The following PRDM6 variants were observed in gnomAD, a reference collection of about 807,000 sequenced individuals.
PRDM6 encodes the protein putative histone-lysine N-methyltransferase PRDM6.
A neutral mutation model predicts 60.8 loss-of-function variants in PRDM6; 25 were observed. The observed-to-expected ratio is 0.41, with a 90% CI of 0.30 to 0.57. PRDM6 has a LOEUF of 0.57. Ranked by LOEUF, PRDM6 falls within the 20% of genes least tolerant of loss-of-function variation. PRDM6 has a pLI of 0.27. For synonymous variants in PRDM6, 407 were observed against 357.4 expected (o/e 1.14, Z -1.57); for missense variants, 839 against 821.3 (o/e 1.02, Z -0.26).
intron 3 of PRDM6, among the ~76,000 whole-genome samples, chr5:123,136,176 A>G (rs2150225530): frequency 6.6e-6 from 1 of 152,238 alleles, no homozygotes; most frequent in East Asian, 1.9e-4. Context: ...TTATATTTCA[A>G]CCCCATCCCT....
intron 3 of PRDM6, 54 bp from the exon 4 acceptor site, chr5:123,155,830 A>G: frequency 6.5e-7 from 1 of 1,533,070 alleles, no homozygotes; most frequent in Non-Finnish European, 8.8e-7. Context: ...GAAGTAGGGA[A>G]AATGATTGCT....
At chr5:123,163,986 A>G (rs1028569013) in intron 5 of PRDM6, among the ~76,000 whole-genome samples, 2 of 152,114 alleles carry the variant, frequency 1.3e-5, no homozygotes, top group African/African-American at 4.8e-5. Flanking sequence ...CGTTCCACCA[A>G]CAGCGAGAAA....
intron 5 of PRDM6, among the ~76,000 whole-genome samples, chr5:123,159,842 A>G (rs999256890): frequency 1.2e-4 from 19 of 152,152 alleles, no homozygotes; most frequent in Non-Finnish European, 2.9e-5. Flanking sequence ...CCAGTCCTTC[A>G]CTTATCAACA....
intron 3 of PRDM6, among the ~76,000 whole-genome samples, chr5:123,123,177 T>C (rs906322246): frequency 6.6e-6 from 1 of 152,256 alleles, no homozygotes; most frequent in Non-Finnish European, 1.5e-5. Flanking sequence ...TGATTCCTTG[T>C]CTATATTCGC....
chr5:123,095,541 G>A (rs1157464894), intron 2 of PRDM6, among the ~76,000 whole-genome samples: 1 of 152,232 alleles, frequency 6.6e-6, no homozygotes, highest in Non-Finnish European at 1.5e-5. Context: ...GCCAGCAGGC[G>A]GCACTCCCGG....
At chr5:123,158,767 G>C (rs994574385) in intron 4 of PRDM6, among the ~76,000 whole-genome samples, 3 of 152,026 alleles carry the variant, frequency 2.0e-5, no homozygotes, top group African/African-American at 4.8e-5. Context: ...TGAACTTGAG[G>C]TTCATATTTG....
At chr5:123,181,804 G>A (rs1269600307) in intron 7 of PRDM6, among the ~76,000 whole-genome samples, 1 of 152,122 alleles carries the variant, frequency 6.6e-6, no homozygotes, top group East Asian at 1.9e-4. Context: ...TCAGCCTGAG[G>A]CCAGGCTCAG....
chr5:123,173,031 AAC>A (rs759097375), intron 6 of PRDM6, among the ~76,000 whole-genome samples: 1 of 152,072 alleles, frequency 6.6e-6, no homozygotes, highest in Non-Finnish European at 1.5e-5. Flanking sequence ...CTCTACTAAA[AAC>A]ACAAAAAATT....
At chr5:123,125,146 CCCCCT>C (rs371545805) in intron 3 of PRDM6, among the ~76,000 whole-genome samples, 11 of 1,428 alleles carry the variant, frequency 7.7e-3, no homozygotes, top group Non-Finnish European at 0.014. Context: ...ACATACCGCA[CCCCCT>C]CCCCCCCACC....
rs1436956957 is a variant in PRDM6, at chr5:123,099,083, T to A, written c.593-571T>A. Reference sequence around the variant, plus strand: ...GTCTCCCCCACCCCGCCCCGTCTGGTGATTTTAAATCGTCTCCTGTGTAAT... The same window carrying A: ...GTCTCCCCCACCCCGCCCCGTCTGGAGATTTTAAATCGTCTCCTGTGTAAT... On this transcript the variant is annotated intron_variant, in intron 2 of 7. Transcript: ENST00000407847. The surrounding 1 kb of genome is among the most constrained non-coding windows in gnomAD (Gnocchi z 4.0). Among the ~76,000 whole-genome samples the A allele has an allele frequency of 6.6e-6, 1 of 152,170 alleles. No homozygotes were observed. Among genetic ancestry groups the A allele is most frequent in the Non-Finnish European group, 1.5e-5 (1 of 68,032 alleles).
intron 3 of PRDM6, among the ~76,000 whole-genome samples, chr5:123,111,919 C>T (rs1438235139): frequency 6.6e-6 from 1 of 152,166 alleles, no homozygotes; most frequent in Non-Finnish European, 1.5e-5. Context: ...CTTGGCTAAT[C>T]TCCTGTGGAC....
chr5:123,176,793 G>A (rs6898014), intron 6 of PRDM6, among the ~76,000 whole-genome samples: 5,962 of 152,260 alleles, frequency 0.039, 390 homozygotes, highest in African/African-American at 0.13. Flanking sequence ...GCTAAACTCA[G>A]CACTCAAGAA....
chr5:123,179,905 A>G (rs190241484), intron 6 of PRDM6, among the ~76,000 whole-genome samples: 6 of 152,318 alleles, frequency 3.9e-5, no homozygotes, highest in African/African-American at 1.2e-4. Context: ...GGGGTTTCCA[A>G]AATGGTATGA....
intron 6 of PRDM6, among the ~76,000 whole-genome samples, chr5:123,176,063 C>G (rs1223094141): frequency 6.6e-6 from 1 of 152,110 alleles, no homozygotes; most frequent in East Asian, 1.9e-4. Flanking sequence ...TTTCATCAAG[C>G]TGGGTATTTC....
chr5:123,188,048 T>G lies in PRDM6; in HGVS notation c.*847T>G, dbSNP rs760525835. 6.6e-6 allele frequency: 1 copy of G among 152,044 alleles called. No homozygotes were observed. Among genetic ancestry groups the G allele is most frequent in the Non-Finnish European group, 1.5e-5 (1 of 68,000 alleles). 9.4% of individuals were successfully genotyped at this position (152,044 alleles called of 1,614,324 possible). A position where few individuals can be genotyped will look rare whatever the true frequency, so the allele number is the denominator to read the frequency against. On this transcript the variant is annotated 3_prime_UTR_variant, in exon 8 of 8. Transcript: ENST00000407847. ...AAAATAAAGTTCTTTGGTTTAAGGC[T>G]GGAGATAAGGTGTTAGGCTTCATTG...
chr5:123,110,662 G>A (rs925462908), intron 3 of PRDM6, among the ~76,000 whole-genome samples: 3 of 150,872 alleles, frequency 2.0e-5, no homozygotes, highest in African/African-American at 4.9e-5. Flanking sequence ...CCGCCTCCCG[G>A]GTTCAAGCTA....
At chr5:123,156,763 G>A (rs1411938417) in intron 4 of PRDM6, among the ~76,000 whole-genome samples, 1 of 152,204 alleles carries the variant, frequency 6.6e-6, no homozygotes, top group Non-Finnish European at 1.5e-5. Context: ...CACTCAGCCA[G>A]TTCTTCTCAG....
At chr5:123,173,410 G>T (rs1765940525) in intron 6 of PRDM6, 1 of 167,026 alleles carries the variant, frequency 6.0e-6, no homozygotes, top group Non-Finnish European at 1.5e-5. Flanking sequence ...TGAGACTCCT[G>T]TCTTATCATG....
chr5:123,161,178 G>A (rs1765622380), intron 5 of PRDM6, among the ~76,000 whole-genome samples: 1 of 152,142 alleles, frequency 6.6e-6, no homozygotes, highest in Admixed American at 6.5e-5. Context: ...CTGTTGTTGT[G>A]GTGTGTGTGT....
Sources: gnomAD v4.1 joint callset for allele counts (sites outside exome capture counted in the v4.1 genomes callset) on GRCh38, gnomAD v4.1.1 for gene constraint, Gnocchi (gnomAD v3.1) non-coding constraint, MANE v1.5 for transcripts, NCBI Gene and HGNC (gene_info 2026-07-23, HGNC 2026-07-21) for gene names.